The following CNKSR2 variants were observed in gnomAD, a reference collection of about 807,000 sequenced individuals.
CNKSR2 encodes connector enhancer of kinase suppressor of Ras 2.
Under a neutral mutation model 84.4 loss-of-function variants are expected in CNKSR2, and 14 were observed. The observed-to-expected ratio is 0.17, with a 90% CI of 0.11 to 0.26. The LOEUF (loss-of-function observed/expected upper bound fraction) is 0.26, where lower values mean the gene tolerates loss of function less well. Among genes scored for constraint, CNKSR2 ranks in the 10% least tolerant of loss-of-function variants. The probability of loss-of-function intolerance (pLI) is 1.00; values close to 1 mark genes in which losing one functional copy is unlikely to be tolerated. For missense variants in CNKSR2, 485 were observed against 771.2 expected (o/e 0.63, Z 4.40); for synonymous variants, 275 against 277.9 (o/e 0.99, Z 0.10).
At chrX:21,497,994 G>C in intron 7 of CNKSR2, 148 bp downstream of exon 7, 1 of 340,570 alleles carries the variant, frequency 2.9e-6, no homozygotes. Context: ...TGAGTTAGTA[G>C]CATTCATTCT....
rs1017043551 is a variant in CNKSR2, at chrX:21,375,098, G to A, written c.64+137G>A. On this transcript the variant is annotated intron_variant, in intron 1 of 21. Transcript: ENST00000379510. The stretch of plus-strand genomic sequence containing the variant: ...GATCGTCGTACGCGTCGGGGCGGGG[G>A]TCCTCCAGGACTGGCAGGGGCCTGG... 6 of 553,308 alleles carry A rather than the reference G, an allele frequency of 1.1e-5. No individual in the cohort carries two copies. In the Admixed American group the frequency reaches 1.6e-4, roughly 14 times the overall value. 45.6% of individuals were successfully genotyped at this position (553,308 alleles called of 1,213,427 possible).
At chrX:21,651,500 T>C (rs1214835234) in intron 21 of CNKSR2, among the ~76,000 whole-genome samples, 1 of 111,586 alleles carries the variant, frequency 9.0e-6, no homozygotes, top group Non-Finnish European at 1.9e-5. Context: ...ACCACCTTAC[T>C]GTTTTCTTTG....
chrX:21,523,680 G>A (rs1469846381), intron 9 of CNKSR2, among the ~76,000 whole-genome samples: 2 of 110,083 alleles, frequency 1.8e-5, no homozygotes, highest in Non-Finnish European at 3.8e-5. Flanking sequence ...TTCAAGTTGA[G>A]GGAAGCTAAA....
In CNKSR2 at chrX:21,452,578, C is replaced by T. The variant is rs149834307; in HGVS notation, c.519+11797C>T. Among the ~76,000 whole-genome samples the T allele has an allele frequency of 9.8e-3, 1,084 of 110,396 alleles. 19 individuals carry two copies. The highest frequency in any genetic ancestry group is 0.034 in the African/African-American group (1,022 of 30,374). On this transcript the variant is annotated intron_variant, in intron 4 of 21. Coordinates refer to ENST00000379510, the MANE Select transcript of CNKSR2 (RefSeq NM_014927.5). ...TTACACACTCATTCAATTATTGGGGCGTTAGTTTTTCATTGTGAAGTAAAA... is the reference window on the plus strand; with the variant it reads ...TTACACACTCATTCAATTATTGGGGTGTTAGTTTTTCATTGTGAAGTAAAA...
chrX:21,452,728 G>T (rs2090949723), intron 4 of CNKSR2, among the ~76,000 whole-genome samples: 2 of 108,799 alleles, frequency 1.8e-5, no homozygotes, highest in Non-Finnish European at 3.8e-5. Flanking sequence ...GAACAAAGTA[G>T]TTCTCAGCCA....
Position 21,531,840 on chromosome X carries a change from T to G in CNKSR2, c.1092-16T>G, listed in dbSNP as rs2091889040. The G allele has an allele frequency of 1.6e-5, 19 of 1,155,072 alleles. No homozygotes were observed. Among genetic ancestry groups the G allele is most frequent in the Non-Finnish European group, 2.1e-5 (18 of 848,048 alleles). On this transcript the variant is annotated splice_polypyrimidine_tract_variant and intron_variant, in intron 10 of 21. Transcript: ENST00000379510. ...CATGTTTCTACATCTTCTCCTTTAC[T>G]CTAACCTTTCTTTAGGGATGAAAAA... is the stretch of plus-strand genomic sequence containing the variant.
At chrX:21,596,837 A>G (rs2092453404) in intron 17 of CNKSR2, among the ~76,000 whole-genome samples, 1 of 111,626 alleles carries the variant, frequency 9.0e-6, no homozygotes. Context: ...ACACCAAGCT[A>G]TAAAATTTAA....
At chrX:21,439,782 C>T (rs2090758540) in intron 3 of CNKSR2, among the ~76,000 whole-genome samples, 1 of 110,534 alleles carries the variant, frequency 9.0e-6, no homozygotes. Context: ...TACCTAGAAA[C>T]GCCTCAGGGT....
intron 5 of CNKSR2, among the ~76,000 whole-genome samples, chrX:21,482,642 T>C (rs1178681897): frequency 1.8e-5 from 2 of 112,210 alleles, no homozygotes; most frequent in Non-Finnish European, 1.9e-5. Context: ...TTAGGGGTCA[T>C]TGCTTCTTTT....
chrX:21,411,407 G>A (rs1295852584), intron 1 of CNKSR2, among the ~76,000 whole-genome samples: 2 of 111,628 alleles, frequency 1.8e-5, no homozygotes, highest in Non-Finnish European at 3.8e-5. Context: ...CGAACCAAGT[G>A]GAGATGCCAA....
intron 1 of CNKSR2, chrX:21,423,840 G>T (rs780458140): frequency 4.5e-5 from 5 of 110,667 alleles, no homozygotes; most frequent in Non-Finnish European, 9.5e-5. Flanking sequence ...TTTCTGGTAG[G>T]TCTAGAAGAG....
At chrX:21,459,018 C>CTT (rs35121561) in intron 4 of CNKSR2, among the ~76,000 whole-genome samples, 101 of 88,467 alleles carry the variant, frequency 1.1e-3, no homozygotes, top group African/African-American at 1.5e-3. Flanking sequence ...ATTCTTCATC[C>CTT]TTTTTTTTTT....
chrX:21,550,533 G>GA (rs1451719291), intron 11 of CNKSR2, among the ~76,000 whole-genome samples: 1 of 112,136 alleles, frequency 8.9e-6, no homozygotes, highest in Non-Finnish European at 1.9e-5. Flanking sequence ...TCTAGAACCA[G>GA]AAATAGCATT....
chrX:21,489,663 A>G (rs2091422907), intron 5 of CNKSR2, among the ~76,000 whole-genome samples: 1 of 112,202 alleles, frequency 8.9e-6, no homozygotes, highest in Non-Finnish European at 1.9e-5. Flanking sequence ...GTTAGTACGA[A>G]TGGATTTATC....
At chrX:21,516,675 T>A in intron 9 of CNKSR2, 44 bp downstream of exon 9, 2 of 1,114,809 alleles carry the variant, frequency 1.8e-6, no homozygotes, top group Non-Finnish European at 2.5e-6. Context: ...ATTTTAGCCA[T>A]AGATTATCTC....
At chrX:21,436,953 A>G (rs2090714596) in intron 3 of CNKSR2, among the ~76,000 whole-genome samples, 1 of 111,760 alleles carries the variant, frequency 8.9e-6, no homozygotes, top group Non-Finnish European at 1.9e-5. Context: ...GTTGTATATG[A>G]TTTGCCTCTA....
At chrX:21,631,391 A>G (rs1373409736) in intron 20 of CNKSR2, among the ~76,000 whole-genome samples, 1 of 112,558 alleles carries the variant, frequency 8.9e-6, no homozygotes, top group East Asian at 2.8e-4. Context: ...ATTATTTCAT[A>G]TGGTGACTAA....
At chrX:21,399,729 G>A (rs1167076507) in intron 1 of CNKSR2, among the ~76,000 whole-genome samples, 3 of 111,183 alleles carry the variant, frequency 2.7e-5, no homozygotes, top group East Asian at 5.6e-4. Context: ...GCTGTCTACC[G>A]TGACTATTGT....
chrX:21,431,121 C>T (rs2090628902), intron 2 of CNKSR2, among the ~76,000 whole-genome samples: 1 of 111,269 alleles, frequency 9.0e-6, no homozygotes, highest in African/African-American at 3.3e-5. Flanking sequence ...GCATCAAAAC[C>T]TTCCTCTCCC....
Sources: gnomAD v4.1 joint callset for allele counts (sites outside exome capture counted in the v4.1 genomes callset) on GRCh38, gnomAD v4.1.1 for gene constraint, MANE v1.5 for transcripts, NCBI Gene and HGNC (gene_info 2026-07-23, HGNC 2026-07-21) for gene names.